Variants in MVB12B observed in about 807,000 individuals in gnomAD.
MVB12B encodes the protein multivesicular body subunit 12B.
Under a neutral mutation model 41.6 loss-of-function variants are expected in MVB12B, and 16 were observed. That is an observed-to-expected ratio of 0.38 (90% CI 0.26 to 0.58). The LOEUF (loss-of-function observed/expected upper bound fraction) is 0.58. MVB12B is among the 20% of genes least tolerant of loss of function. The probability of loss-of-function intolerance (pLI) is 0.62; values close to 1 mark genes in which losing one functional copy is unlikely to be tolerated. For synonymous variants in MVB12B, 133 were observed against 139.7 expected (o/e 0.95, Z 0.34); for missense variants, 274 against 380.2 (o/e 0.72, Z 2.32).
chr9:126,327,329 T>G, intron 1 of MVB12B: 2 of 984,920 alleles, frequency 2.0e-6, no homozygotes, highest in Non-Finnish European at 2.4e-6. Flanking sequence ...TCTGCCCGCG[T>G]GAGAGGGAGG....
In MVB12B at chr9:126,503,377, A is replaced by T. The variant is rs1160827733; in HGVS notation, c.*114A>T. ...CCAGCCCTCCCTCCCACACTGCCCCAGCAGGGCTGGCCCGGAGACTGGGCA... is the reference window on the plus strand; with the variant it reads ...CCAGCCCTCCCTCCCACACTGCCCCTGCAGGGCTGGCCCGGAGACTGGGCA... On this transcript the variant is annotated 3_prime_UTR_variant, in exon 10 of 10. Transcript: ENST00000361171. 17 of 859,154 alleles carry T rather than the reference A, an allele frequency of 2.0e-5. No individual in the cohort carries two copies. Among genetic ancestry groups the T allele is most frequent in the African/African-American group, 3.4e-5 (2 of 59,104 alleles). The allele number at this position is 859,154 out of a possible 1,614,324, so 53.2% of individuals were successfully genotyped here.
intron 2 of MVB12B, among the ~76,000 whole-genome samples, chr9:126,377,424 A>G (rs945989991): frequency 6.6e-6 from 1 of 152,210 alleles, no homozygotes; most frequent in Non-Finnish European, 1.5e-5. Context: ...AGGTGGCCTC[A>G]GTGCTGAAAT....
intron 7 of MVB12B, among the ~76,000 whole-genome samples, chr9:126,474,613 C>T (rs928248315): frequency 8.5e-5 from 13 of 152,176 alleles, no homozygotes; most frequent in African/African-American, 2.9e-4. Context: ...GCGTCTAGCC[C>T]CTTATGCTGT....
rs183358748 is a variant in MVB12B, at chr9:126,502,375, T to C, written c.874-802T>C. The stretch of plus-strand genomic sequence containing the variant: ...GGCCTCTTAAGTGAACTACAGGTGC[T>C]CCTAGCCCCCTCAGAGGTACTTAAC... On this transcript the variant is annotated intron_variant, in intron 9 of 9. Transcript: ENST00000361171. Among the ~76,000 whole-genome samples, 12 of 152,194 alleles carry C rather than the reference T, an allele frequency of 7.9e-5. No individual in the cohort carries two copies. In the South Asian group the frequency reaches 2.1e-3, roughly 26 times the overall value.
At chr9:126,383,786 C>A (rs1830697755) in intron 3 of MVB12B, among the ~76,000 whole-genome samples, 1 of 151,876 alleles carries the variant, frequency 6.6e-6, no homozygotes, top group African/African-American at 2.4e-5. Context: ...GAGGAGGGAC[C>A]ACAGTTGGGC....
chr9:126,494,876 C>G (rs965381688), intron 9 of MVB12B, among the ~76,000 whole-genome samples: 3 of 151,738 alleles, frequency 2.0e-5, no homozygotes, highest in Non-Finnish European at 4.4e-5. Flanking sequence ...CCACCCCCCC[C>G]CAGGGTTGTT....
chr9:126,392,047 C>T lies in MVB12B; in HGVS notation c.410-19C>T, dbSNP rs772385106. On this transcript the variant is annotated intron_variant, in intron 4 of 9. Coordinates refer to ENST00000361171, the MANE Select transcript of MVB12B (RefSeq NM_033446.3). The surrounding 1 kb of genome is among the most constrained non-coding windows in gnomAD (Gnocchi z 4.8). Reference sequence around the variant, plus strand: ...TATCTCTGGAAAACTCATACCTTTTCTATTGTCCTTTCCTTCAGAGGAAGT... The same window carrying T: ...TATCTCTGGAAAACTCATACCTTTTTTATTGTCCTTTCCTTCAGAGGAAGT... 1.2e-6 allele frequency: 2 copies of T among 1,613,884 alleles called. No individual in the cohort carries two copies. The highest frequency in any genetic ancestry group is 1.7e-6 in the Non-Finnish European group (2 of 1,179,876).
intron 3 of MVB12B, among the ~76,000 whole-genome samples, chr9:126,384,023 G>T (rs1259537750): frequency 6.6e-6 from 1 of 151,766 alleles, no homozygotes; most frequent in African/African-American, 2.4e-5. Flanking sequence ...CCATCCATCT[G>T]CGGGGCAGGA....
chr9:126,480,022 G>T lies in MVB12B; in HGVS notation c.758-1347G>T, dbSNP rs948113358. Reference sequence around the variant, plus strand: ...GAAAGAAAAAATATGACCACTGAAGGTTCCAGAGAAGTCATCATTCCAGGA... The same window carrying T: ...GAAAGAAAAAATATGACCACTGAAGTTTCCAGAGAAGTCATCATTCCAGGA... On this transcript the variant is annotated intron_variant, in intron 7 of 9. Transcript: ENST00000361171. This position sits in a 1 kb window ranked among gnomAD's most constrained non-coding sequence, Gnocchi z 4.9. Among the ~76,000 whole-genome samples, 1 of 152,148 alleles carries T rather than the reference G, an allele frequency of 6.6e-6. No individual in the cohort carries two copies. The highest frequency in any genetic ancestry group is 2.4e-5 in the African/African-American group (1 of 41,420).
At chr9:126,497,611 T>C (rs1351881575) in intron 9 of MVB12B, among the ~76,000 whole-genome samples, 1 of 152,132 alleles carries the variant, frequency 6.6e-6, no homozygotes, top group African/African-American at 2.4e-5. Context: ...AAGAGAGCAT[T>C]GAACAAGGAA....
At chr9:126,342,994 G>A (rs1829489995) in intron 2 of MVB12B, among the ~76,000 whole-genome samples, 1 of 152,176 alleles carries the variant, frequency 6.6e-6, no homozygotes, top group South Asian at 2.1e-4. Context: ...CTGCCACCAC[G>A]CAGCCCTGCG....
At chr9:126,445,566 G>A (rs566318923) in intron 7 of MVB12B, among the ~76,000 whole-genome samples, 41 of 152,330 alleles carry the variant, frequency 2.7e-4, no homozygotes, top group African/African-American at 9.1e-4. Context: ...GCCTCCCAAC[G>A]TGCTGGGATT....
chr9:126,380,351 G>A (rs1830599680), intron 2 of MVB12B, among the ~76,000 whole-genome samples: 2 of 152,144 alleles, frequency 1.3e-5, no homozygotes, highest in South Asian at 4.1e-4. Flanking sequence ...GGTCACAGGG[G>A]CTTTGATACT....
chr9:126,388,628 ACT>A (rs1226747077), intron 4 of MVB12B, among the ~76,000 whole-genome samples: 6 of 152,174 alleles, frequency 3.9e-5, no homozygotes, highest in Non-Finnish European at 7.4e-5. Context: ...AAGGAGCTGC[ACT>A]GTTTTTTATT....
intron 2 of MVB12B, among the ~76,000 whole-genome samples, chr9:126,364,594 G>A (rs908457980): frequency 6.6e-6 from 1 of 152,104 alleles, no homozygotes; most frequent in Admixed American, 6.5e-5. Context: ...AGGCAAACAT[G>A]GTGTCTTTTA....
At chr9:126,358,059 C>G (rs925422307) in intron 2 of MVB12B, among the ~76,000 whole-genome samples, 31 of 151,806 alleles carry the variant, frequency 2.0e-4, no homozygotes, top group African/African-American at 7.3e-4. Context: ...GTTCTAGTAC[C>G]CTTTCTTTAA....
chr9:126,364,444 G>A (rs1303238892), intron 2 of MVB12B, among the ~76,000 whole-genome samples: 1 of 152,176 alleles, frequency 6.6e-6, no homozygotes, highest in Non-Finnish European at 1.5e-5. Flanking sequence ...TGAGTTGGTT[G>A]GAGCCAGAGG....
In MVB12B at chr9:126,468,894, A is replaced by G. The variant is rs1833256219; in HGVS notation, c.758-12475A>G. ...TGGACCCTACTTCTATGCAACAGTT[A>G]AAAAGGCTGAGACACAGAGCTCTAA... On this transcript the variant is annotated intron_variant, in intron 7 of 9. Transcript: ENST00000361171. The surrounding 1 kb of genome is among the most constrained non-coding windows in gnomAD (Gnocchi z 4.3). 6.6e-6 allele frequency among the ~76,000 whole-genome samples: 1 copy of G among 152,262 alleles called. No homozygotes were observed. The highest frequency in any genetic ancestry group is 1.5e-5 in the Non-Finnish European group (1 of 68,046).
intron 1 of MVB12B, among the ~76,000 whole-genome samples, chr9:126,328,841 G>T (rs1262789306): frequency 6.6e-6 from 1 of 152,002 alleles, no homozygotes; most frequent in Non-Finnish European, 1.5e-5. Context: ...GGAGTGCAGT[G>T]GTACCATCAT....
Sources: gnomAD v4.1 joint callset for allele counts (sites outside exome capture counted in the v4.1 genomes callset) on GRCh38, gnomAD v4.1.1 for gene constraint, Gnocchi (gnomAD v3.1) non-coding constraint, MANE v1.5 for transcripts, NCBI Gene and HGNC (gene_info 2026-07-23, HGNC 2026-07-21) for gene names.